Variants in ADGRB3 observed in about 807,000 individuals in gnomAD.
ADGRB3 encodes the protein brain-specific angiogenesis inhibitor 3.
Under a neutral mutation model 193.4 loss-of-function variants are expected in ADGRB3, and 37 were observed. That is an observed-to-expected ratio of 0.19 (90% CI 0.15 to 0.25). ADGRB3 has a LOEUF of 0.25. Ranked by LOEUF, ADGRB3 falls within the 10% of genes least tolerant of loss-of-function variation. The probability of loss-of-function intolerance (pLI) is 1.00; values close to 1 mark genes in which losing one functional copy is unlikely to be tolerated. For synonymous variants in ADGRB3, 690 were observed against 644.2 expected (o/e 1.07, Z -1.08); for missense variants, 1,637 against 1,852.9 (o/e 0.88, Z 2.14).
chr6:69,279,822 C>T (rs1013869270), intron 20 of ADGRB3, among the ~76,000 whole-genome samples: 2 of 152,090 alleles, frequency 1.3e-5, no homozygotes, highest in Admixed American at 1.3e-4. Context: ...AACCTGTTCA[C>T]TTGTATGAAA....
intron 3 of ADGRB3, among the ~76,000 whole-genome samples, chr6:68,926,353 T>A (rs1767179927): frequency 6.6e-6 from 1 of 152,118 alleles, no homozygotes; most frequent in Non-Finnish European, 1.5e-5. Context: ...AGAGGTTGTT[T>A]ATGTTTAGTT....
intron 3 of ADGRB3, among the ~76,000 whole-genome samples, chr6:68,822,819 G>C (rs1206675402): frequency 6.6e-6 from 1 of 151,982 alleles, no homozygotes; most frequent in East Asian, 1.9e-4. Flanking sequence ...TGATTCTCTA[G>C]TCATGAATGT....
chr6:68,715,013 A>G (rs1330127534), intron 3 of ADGRB3, among the ~76,000 whole-genome samples: 2 of 151,648 alleles, frequency 1.3e-5, no homozygotes, highest in Non-Finnish European at 2.9e-5. Flanking sequence ...AGTGCATAGT[A>G]GTTATATTTA....
chr6:69,197,536 CATA>C (rs1765327933), intron 17 of ADGRB3, among the ~76,000 whole-genome samples: 1 of 151,840 alleles, frequency 6.6e-6, no homozygotes, highest in East Asian at 1.9e-4. Context: ...TATCGATGAG[CATA>C]ATAATTCACG....
intron 20 of ADGRB3, among the ~76,000 whole-genome samples, chr6:69,287,688 C>T (rs1022495267): frequency 2.0e-5 from 3 of 152,208 alleles, no homozygotes; most frequent in Admixed American, 6.5e-5. Flanking sequence ...GTGCCTGGGA[C>T]ACCACATCTC....
chr6:69,004,757 A>G (rs56120605), intron 11 of ADGRB3, among the ~76,000 whole-genome samples: 7,174 of 152,180 alleles, frequency 0.047, 232 homozygotes, highest in Middle Eastern at 0.14. Flanking sequence ...AAAGACAATC[A>G]CATCTGAGCT....
chr6:68,681,517 A>T (rs1764896458), intron 3 of ADGRB3, among the ~76,000 whole-genome samples: 1 of 151,926 alleles, frequency 6.6e-6, no homozygotes, highest in African/African-American at 2.4e-5. Context: ...CGGCCTCAAG[A>T]AGTCCTTTCA....
Position 68,889,738 on chromosome 6 carries a change from G to A in ADGRB3, c.758-40821G>A, listed in dbSNP as rs971524722. ...AGGATATTCTCGATCTCCTGACCTC[G>A]TGATCCACCTGCCTCGGCCTCCCAA... On this transcript the variant is annotated intron_variant, in intron 3 of 31. Transcript: ENST00000370598. Among the ~76,000 whole-genome samples, 15 of 151,948 alleles carry A rather than the reference G, an allele frequency of 9.9e-5. No homozygotes were observed. In the South Asian group the frequency reaches 2.5e-3, roughly 25 times the overall value.
chr6:69,263,537 A>C (rs1766973223), intron 20 of ADGRB3, among the ~76,000 whole-genome samples: 1 of 152,042 alleles, frequency 6.6e-6, no homozygotes. Flanking sequence ...ATAATCTAAC[A>C]GAAACACGTG....
At chr6:69,070,178 A>T (rs1772040228) in intron 16 of ADGRB3, among the ~76,000 whole-genome samples, 1 of 152,180 alleles carries the variant, frequency 6.6e-6, no homozygotes, top group African/African-American at 2.4e-5. Context: ...CCTCCACTGA[A>T]AAGAGATTAT....
chr6:69,324,972 G>A lies in ADGRB3; in HGVS notation c.2915G>A (p.Gly972Glu). ...TGGCAATCATATATGGCTGTAACTG[G>A]AAAAATTAGGACACGGCTTATAAGA... ...EAWQSYMAVT[G>E]KIRTRLIRKR... Residue 972 changes from glycine (G) to glutamate (E), a missense_variant, in exon 21 of 32, where the codon GGA (glycine) becomes GAA (glutamate). Physicochemically the swap from Gly to Glu is moderately conservative, Grantham distance 98. Around this residue, in one of 7 missense-constraint regions of ADGRB3, gnomAD observed 87 missense variants for 161.0 expected, o/e 0.54. Coordinates refer to ENST00000370598, the MANE Select transcript of ADGRB3 (RefSeq NM_001704.3). 1 of 1,613,886 alleles carries A rather than the reference G, an allele frequency of 6.2e-7. No homozygotes were observed. The highest frequency in any genetic ancestry group is 8.5e-7 in the Non-Finnish European group (1 of 1,179,866).
intron 3 of ADGRB3, among the ~76,000 whole-genome samples, chr6:68,690,707 A>G (rs892727529): frequency 2.6e-5 from 4 of 152,132 alleles, no homozygotes; most frequent in African/African-American, 9.7e-5. Context: ...CTCAGCCATA[A>G]GAGATTGGAT....
At chr6:68,741,959 T>G (rs953331263) in intron 3 of ADGRB3, among the ~76,000 whole-genome samples, 2 of 152,182 alleles carry the variant, frequency 1.3e-5, no homozygotes, top group Admixed American at 6.5e-5. Context: ...ATGGGAAAAT[T>G]CATAAAAACT....
intron 17 of ADGRB3, among the ~76,000 whole-genome samples, chr6:69,155,875 T>C (rs1450396799): frequency 6.6e-6 from 1 of 152,210 alleles, no homozygotes; most frequent in Non-Finnish European, 1.5e-5. Context: ...TGAGTACTAA[T>C]ATATTTTTTA....
At chr6:69,372,331 A>G in intron 29 of ADGRB3, 75 bp from the exon 30 acceptor site, 1 of 821,338 alleles carries the variant, frequency 1.2e-6, no homozygotes, top group Non-Finnish European at 1.8e-6. Flanking sequence ...GAAAATGATG[A>G]TTTTTCATTT....
intron 3 of ADGRB3, among the ~76,000 whole-genome samples, chr6:68,835,731 A>G (rs937402623): frequency 3.3e-5 from 5 of 152,024 alleles, no homozygotes; most frequent in African/African-American, 1.2e-4. Flanking sequence ...TCTGCTTTAC[A>G]GTATAATTTT....
intron 17 of ADGRB3, among the ~76,000 whole-genome samples, chr6:69,136,938 C>T (rs1774165369): frequency 6.6e-6 from 1 of 152,020 alleles, no homozygotes; most frequent in Non-Finnish European, 1.5e-5. Context: ...GAGTACAGAA[C>T]CGATTTCAAT....
At chr6:69,208,014 C>T (rs372369036) in intron 17 of ADGRB3, among the ~76,000 whole-genome samples, 71 of 152,290 alleles carry the variant, frequency 4.7e-4, no homozygotes, top group African/African-American at 1.7e-3. Flanking sequence ...GATGCCATAT[C>T]GAGGGCTCGG....
At chr6:68,767,327 A>G (rs1766528784) in intron 3 of ADGRB3, among the ~76,000 whole-genome samples, 2 of 152,160 alleles carry the variant, frequency 1.3e-5, no homozygotes, top group Non-Finnish European at 2.9e-5. Flanking sequence ...CAGCACATCA[A>G]AAAGCTTATC....
Sources: gnomAD v4.1 joint callset for allele counts (sites outside exome capture counted in the v4.1 genomes callset) on GRCh38, gnomAD v4.1.1 for gene constraint, gnomAD v4.1.1 regional missense constraint, MANE v1.5 for transcripts, NCBI Gene and HGNC (gene_info 2026-07-23, HGNC 2026-07-21) for gene names.